The following CDH12 variants were observed in gnomAD, a reference collection of about 807,000 sequenced individuals.
CDH12 encodes the protein cadherin-12.
A neutral mutation model predicts 74.1 loss-of-function variants in CDH12; 41 were observed. The observed-to-expected ratio is 0.55, with a 90% CI of 0.43 to 0.72. The LOEUF (loss-of-function observed/expected upper bound fraction) is 0.72. CDH12 is among the 30% of genes least tolerant of loss of function. The pLI is 0.00. For synonymous variants in CDH12, 399 were observed against 355.0 expected, an observed-to-expected ratio of 1.12 and a Z score of -1.39; for missense variants, 945 against 977.2, an observed-to-expected ratio of 0.97 and a Z score of 0.44.
intron 1 of CDH12, among the ~76,000 whole-genome samples, chr5:22,572,759 T>G (rs1216554856): frequency 6.6e-6 from 1 of 152,190 alleles, no homozygotes; most frequent in Non-Finnish European, 1.5e-5. Flanking sequence ...CCTCACTTAT[T>G]CTGAAAGAAC....
At chr5:21,891,831 T>C (rs1360377627) in intron 6 of CDH12, among the ~76,000 whole-genome samples, 2 of 152,036 alleles carry the variant, frequency 1.3e-5, no homozygotes, top group African/African-American at 4.8e-5. Flanking sequence ...GGGCCAAGTT[T>C]GTGGCTAGAT....
chr5:22,309,055 A>G (rs1738268641), intron 3 of CDH12, among the ~76,000 whole-genome samples: 1 of 152,154 alleles, frequency 6.6e-6, no homozygotes, highest in African/African-American at 2.4e-5. Flanking sequence ...AGACAGAACC[A>G]TACAAAAATG....
chr5:22,021,003 C>T (rs1737937336), intron 5 of CDH12, among the ~76,000 whole-genome samples: 1 of 152,048 alleles, frequency 6.6e-6, no homozygotes, highest in Non-Finnish European at 1.5e-5. Context: ...GGAGATGGTA[C>T]AGACTGAAGA....
intron 1 of CDH12, among the ~76,000 whole-genome samples, chr5:22,832,596 A>G (rs1294774088): frequency 6.6e-6 from 1 of 152,158 alleles, no homozygotes; most frequent in African/African-American, 2.4e-5. Flanking sequence ...AAAGAAATAG[A>G]TATATAAGGA....
chr5:22,648,790 CT>C (rs1426405392), intron 1 of CDH12, among the ~76,000 whole-genome samples: 1 of 151,838 alleles, frequency 6.6e-6, no homozygotes, highest in South Asian at 2.1e-4. Context: ...ATCTTAACAA[CT>C]TTTTTTCACC....
intron 1 of CDH12, among the ~76,000 whole-genome samples, chr5:22,779,233 C>T (rs924628212): frequency 7.9e-5 from 12 of 151,962 alleles, no homozygotes; most frequent in South Asian, 6.2e-4. Context: ...AAACACGAAG[C>T]GAAAATGCAG....
chr5:22,173,388 T>TATAAATATTA (rs71973210), intron 4 of CDH12, among the ~76,000 whole-genome samples: 1 of 145,580 alleles, frequency 6.9e-6, no homozygotes, highest in Non-Finnish European at 1.5e-5. Flanking sequence ...TTTTATATAA[T>TATAAATATTA]ATAAATATTA....
chr5:22,409,559 T>C (rs1743094528), intron 2 of CDH12, among the ~76,000 whole-genome samples: 1 of 152,098 alleles, frequency 6.6e-6, no homozygotes, highest in Admixed American at 6.6e-5. Context: ...GTCATAATAC[T>C]TTTCTCTTTC....
rs151280170 is a variant in CDH12, at chr5:22,546,478, A to G, written c.-522-41114T>C. Among the ~76,000 whole-genome samples the G allele has an allele frequency of 1.5e-3, 235 of 152,276 alleles. 1 individual carries two copies. The highest frequency in any genetic ancestry group is 2.5e-3 in the Non-Finnish European group (171 of 68,024). On this transcript the variant is annotated intron_variant, in intron 1 of 14. Transcript: ENST00000382254. ...AACTAACCAATCATCGACCTTCCAT[A>G]TATCAGGTCAGTTTAATTTAGATAA...
At chr5:22,543,708 C>G in intron 1 of CDH12, among the ~76,000 whole-genome samples, 1 of 152,058 alleles carries the variant, frequency 6.6e-6, no homozygotes, top group East Asian at 1.9e-4. Flanking sequence ...TGGTCTGAAC[C>G]ACAGTGATCT....
At chr5:22,645,339 C>T (rs142531944) in intron 1 of CDH12, among the ~76,000 whole-genome samples, 7 of 151,924 alleles carry the variant, frequency 4.6e-5, no homozygotes, top group Non-Finnish European at 8.8e-5. Flanking sequence ...TCAAGACTTC[C>T]GTGGAGGAAG....
At chr5:22,814,088 A>G (rs1210427400) in intron 1 of CDH12, among the ~76,000 whole-genome samples, 2 of 152,206 alleles carry the variant, frequency 1.3e-5, no homozygotes, top group Admixed American at 1.3e-4. Context: ...GCAGAGATAA[A>G]GAGGAATACT....
intron 3 of CDH12, among the ~76,000 whole-genome samples, chr5:22,313,686 A>C (rs1738486025): frequency 6.6e-6 from 1 of 152,198 alleles, no homozygotes; most frequent in Non-Finnish European, 1.5e-5. Context: ...AGCAACTGGG[A>C]TGGAACTGGT....
intron 7 of CDH12, among the ~76,000 whole-genome samples, chr5:21,848,238 C>T (rs1750282163): frequency 6.6e-6 from 1 of 151,954 alleles, no homozygotes; most frequent in South Asian, 2.1e-4. Flanking sequence ...AGAGATCTCT[C>T]CTAGTTAAAC....
rs574627075 is a variant in CDH12 at position 22,402,067 on chromosome 5, G to T, written c.-333+3190C>A. ...TGTTGTTTTAAATCACCCAATGTGT[G>T]GCCATTTGTTACGACAGCCCCAGGA... On this transcript the variant is annotated intron_variant, in intron 3 of 14. Coordinates refer to ENST00000382254, the MANE Select transcript of CDH12 (RefSeq NM_004061.5). Among the ~76,000 whole-genome samples the T allele has an allele frequency of 3.9e-5, 6 of 152,272 alleles. No homozygotes were observed. In the South Asian group the frequency reaches 1.0e-3, roughly 26 times the overall value.
At chr5:22,233,033 T>C (rs1752439599) in intron 3 of CDH12, among the ~76,000 whole-genome samples, 2 of 151,358 alleles carry the variant, frequency 1.3e-5, no homozygotes, top group South Asian at 4.1e-4. Flanking sequence ...TCAAACACTA[T>C]ACTGTCTTGA....
At chr5:21,972,088 T>C (rs2150120091) in intron 6 of CDH12, among the ~76,000 whole-genome samples, 1 of 152,320 alleles carries the variant, frequency 6.6e-6, no homozygotes, top group East Asian at 1.9e-4. Context: ...CAAGTGAAAA[T>C]TAGTAATATT....
At chr5:22,770,030 G>T (rs190244076) in intron 1 of CDH12, among the ~76,000 whole-genome samples, 1 of 151,626 alleles carries the variant, frequency 6.6e-6, no homozygotes, top group African/African-American at 2.4e-5. Flanking sequence ...TGCACTTACT[G>T]GGTTGCGCTG....
chr5:21,968,384 C>A (rs977420638), intron 6 of CDH12, among the ~76,000 whole-genome samples: 1 of 152,156 alleles, frequency 6.6e-6, no homozygotes, highest in African/African-American at 2.4e-5. Context: ...CAACTACATA[C>A]AACTAGGAAA....
Sources: gnomAD v4.1 joint callset for allele counts (sites outside exome capture counted in the v4.1 genomes callset) on GRCh38, gnomAD v4.1.1 for gene constraint, MANE v1.5 for transcripts, NCBI Gene and HGNC (gene_info 2026-07-23, HGNC 2026-07-21) for gene names.